The following DNAJB6 variants were observed in gnomAD, a reference collection of about 807,000 sequenced individuals.
DNAJB6 encodes DnaJ heat shock protein family (Hsp40) member B6.
DNAJB6 carries 16 observed loss-of-function variants against 42.7 expected under a neutral mutation model. The observed-to-expected ratio is 0.37, with a 90% CI of 0.25 to 0.57. The LOEUF (loss-of-function observed/expected upper bound fraction) is 0.57. Ranked by LOEUF, DNAJB6 falls within the 20% of genes least tolerant of loss-of-function variation. The pLI is 0.74. For synonymous variants in DNAJB6, 170 were observed against 163.5 expected (o/e 1.04, Z -0.30); for missense variants, 347 against 416.8 (o/e 0.83, Z 1.46).
At chr7:157,396,276 T>TAA (rs1006323790) in intron 8 of DNAJB6, among the ~76,000 whole-genome samples, 4 of 152,144 alleles carry the variant, frequency 2.6e-5, no homozygotes, top group African/African-American at 9.7e-5. Context: ...ATTTAATGAT[T>TAA]AAGTGGGCAA....
At chr7:157,345,427 A>G (rs894266626) in intron 1 of DNAJB6, among the ~76,000 whole-genome samples, 1 of 151,976 alleles carries the variant, frequency 6.6e-6, no homozygotes, top group Non-Finnish European at 1.5e-5. Context: ...TGATCCTGCC[A>G]TTTCAGCCTC....
chr7:157,392,328 A>T (rs1287142306), intron 8 of DNAJB6, among the ~76,000 whole-genome samples: 1 of 145,182 alleles, frequency 6.9e-6, no homozygotes, highest in Non-Finnish European at 1.5e-5. Context: ...ATGCTAGTTG[A>T]TTAGTCTTTA....
intron 1 of DNAJB6, among the ~76,000 whole-genome samples, chr7:157,339,125 TAC>T (rs1204049448): frequency 6.6e-6 from 1 of 152,120 alleles, no homozygotes; most frequent in African/African-American, 2.4e-5. Flanking sequence ...TGATACCTGT[TAC>T]TGAGTGGCGT....
intron 1 of DNAJB6, among the ~76,000 whole-genome samples, chr7:157,345,273 C>T (rs1341366733): frequency 6.6e-6 from 1 of 152,090 alleles, no homozygotes; most frequent in Non-Finnish European, 1.5e-5. Context: ...GGATTACAGG[C>T]GTGAGCCACT....
intron 5 of DNAJB6, among the ~76,000 whole-genome samples, chr7:157,368,153 C>T (rs980982726): frequency 2.0e-5 from 3 of 152,184 alleles, no homozygotes; most frequent in Non-Finnish European, 4.4e-5. Flanking sequence ...AATCTTTTCT[C>T]TTCTTCCTCT....
chr7:157,352,419 A>G (rs990509464), intron 1 of DNAJB6, among the ~76,000 whole-genome samples: 1 of 151,712 alleles, frequency 6.6e-6, no homozygotes, highest in Non-Finnish European at 1.5e-5. Flanking sequence ...TTATTTAATC[A>G]TGCAGTGTGT....
At chr7:157,402,966 T>G (rs1270059844) in intron 8 of DNAJB6, among the ~76,000 whole-genome samples, 1 of 152,066 alleles carries the variant, frequency 6.6e-6, no homozygotes, top group East Asian at 1.9e-4. Flanking sequence ...TTGCCGAGGT[T>G]GAGGACACGC....
In DNAJB6 at chr7:157,370,030, A is replaced by C. The variant is rs191004954; in HGVS notation, c.346+2547A>C. On this transcript the variant is annotated intron_variant, in intron 5 of 9. Coordinates refer to ENST00000262177, the MANE Select transcript of DNAJB6 (RefSeq NM_058246.4). The stretch of plus-strand genomic sequence containing the variant: ...ATTATTATTAAAGAGGCCCTTTCTT[A>C]ACATTATTATTAAACAGGTCTTTCA... Among the ~76,000 whole-genome samples, 766 of 147,212 alleles carry C rather than the reference A, an allele frequency of 5.2e-3. 10 individuals are homozygous for C. The highest frequency in any genetic ancestry group is 0.014 in the Middle Eastern group (4 of 276).
intron 5 of DNAJB6, among the ~76,000 whole-genome samples, chr7:157,373,203 CT>C (rs1800303989): frequency 6.6e-6 from 1 of 152,200 alleles, no homozygotes; most frequent in Non-Finnish European, 1.5e-5. Flanking sequence ...GATTAGGACT[CT>C]AATTTAATCT....
chr7:157,360,869 G>A (rs963303556), intron 2 of DNAJB6, among the ~76,000 whole-genome samples: 5 of 152,184 alleles, frequency 3.3e-5, no homozygotes, highest in Non-Finnish European at 7.3e-5. Context: ...AAGTACTGGT[G>A]TGCAGGTCCA....
At chr7:157,407,911 C>A (rs6952964) in intron 8 of DNAJB6, among the ~76,000 whole-genome samples, 7 of 152,146 alleles carry the variant, frequency 4.6e-5, no homozygotes, top group African/African-American at 1.7e-4. Context: ...CCTGGTCGGG[C>A]GCCCTGGCAT....
rs1395750031 is a variant in DNAJB6 at position 157,395,676 on chromosome 7, TTTC to T, written c.691+10068_691+10070del. ...AAGTTACAACATTCATTCTACGTTT[TTTC>T]TTTTCTTTTTTTTTTTTTTTTTTGA... On this transcript the variant is annotated intron_variant, in intron 8 of 9. Coordinates refer to ENST00000262177, the MANE Select transcript of DNAJB6 (RefSeq NM_058246.4). Among the ~76,000 whole-genome samples, 12 of 151,132 alleles carry T rather than the reference TTTC, an allele frequency of 7.9e-5. No homozygotes were observed. The East Asian group carries it at 1.4e-3, about 17-fold the overall frequency.
intron 4 of DNAJB6, among the ~76,000 whole-genome samples, 187 bp from the exon 5 acceptor site, chr7:157,367,185 CA>C (rs1799886361): frequency 6.6e-6 from 1 of 152,224 alleles, no homozygotes; most frequent in South Asian, 2.1e-4. Flanking sequence ...ACTCATATGC[CA>C]TCAGCGCTGG....
intron 5 of DNAJB6, chr7:157,379,902 C>T (rs1357573423): frequency 6.7e-6 from 1 of 149,278 alleles, no homozygotes; most frequent in Non-Finnish European, 1.5e-5. Context: ...TCCTCCACCT[C>T]CGGGGTTCAA....
At chr7:157,389,303 G>A (rs1801226747) in intron 8 of DNAJB6, among the ~76,000 whole-genome samples, 1 of 152,236 alleles carries the variant, frequency 6.6e-6, no homozygotes, top group African/African-American at 2.4e-5. Context: ...TTTATTTGCA[G>A]AGGATTCAAC....
At chr7:157,385,678 C>A in intron 8 of DNAJB6, 67 bp downstream of exon 8, 1 of 1,597,248 alleles carries the variant, frequency 6.3e-7, no homozygotes, top group Non-Finnish European at 8.5e-7. Context: ...AAATGTTAAA[C>A]TATAACAAGC....
At chr7:157,393,895 T>C (rs1297724761) in intron 8 of DNAJB6, among the ~76,000 whole-genome samples, 2 of 152,194 alleles carry the variant, frequency 1.3e-5, no homozygotes, top group African/African-American at 4.8e-5. Context: ...AGGGGTTTTC[T>C]TTCATATCAG....
chr7:157,338,964 C>G (rs1050881303), intron 1 of DNAJB6, among the ~76,000 whole-genome samples: 4 of 152,140 alleles, frequency 2.6e-5, no homozygotes, highest in African/African-American at 9.7e-5. Context: ...TCAGCACTCT[C>G]TTCAAAACAG....
intron 9 of DNAJB6, chr7:157,414,503 C>A (rs913909204): frequency 6.6e-6 from 1 of 152,286 alleles, no homozygotes; most frequent in Non-Finnish European, 1.5e-5. Flanking sequence ...CTGCAGCCGC[C>A]AACGGCACAC....
Sources: allele counts gnomAD v4.1 joint callset (sites outside exome capture counted in the v4.1 genomes callset), GRCh38; gene constraint gnomAD v4.1.1; transcripts MANE v1.5; gene names NCBI Gene and HGNC (gene_info 2026-07-23, HGNC 2026-07-21).